Variants in SMAP1 observed in about 807,000 individuals in gnomAD.
SMAP1 encodes the protein stromal membrane-associated protein 1.
Under a neutral mutation model 58.5 loss-of-function variants are expected in SMAP1, and 24 were observed. The observed-to-expected ratio is 0.41, with a 90% CI of 0.30 to 0.58. SMAP1 has a LOEUF of 0.58. Among genes scored for constraint, SMAP1 ranks in the 20% least tolerant of loss-of-function variants. SMAP1 has a pLI of 0.29. For synonymous variants in SMAP1, 216 were observed against 196.6 expected (o/e 1.10, Z -0.82); for missense variants, 563 against 566.3 (o/e 0.99, Z 0.06).
rs757448478 is a variant in SMAP1 at position 70,856,897 on chromosome 6, A to G, written c.828A>G (p.Thr276=). Residue 276 remains threonine, a synonymous_variant, in exon 9 of 11, where the codon ACA becomes ACG. Transcript: ENST00000370455. ...PSAPAAATLS[T]VTSGDLDLFT... ...CACCAGCAGCTGCAACCCTGTCTAC[A>G]GTAACATCTGGGGATCTAGATTTAT... The G allele has an allele frequency of 4.4e-5, 71 of 1,613,738 alleles. No homozygotes were observed. The highest frequency in any genetic ancestry group is 5.8e-5 in the Non-Finnish European group (68 of 1,179,820).
At chr6:70,859,289 G>C in intron 10 of SMAP1, 1 of 1,456,730 alleles carries the variant, frequency 6.9e-7, no homozygotes, top group Non-Finnish European at 9.3e-7. Context: ...TAAGGTGCTA[G>C]ATGAACCAGG....
rs1172854369 is a variant in SMAP1, at chr6:70,861,962, AAGACTTAC to A, written c.*1631_*1638del. On this transcript the variant is annotated 3_prime_UTR_variant, in exon 11 of 11. Coordinates refer to ENST00000370455, the MANE Select transcript of SMAP1 (RefSeq NM_001044305.3). The stretch of plus-strand genomic sequence containing the variant: ...CTTTTGGATTGGACAAAATGACTTG[AAGACTTAC>A]AGCAAATCCTTTGTGAAAAATAAAA... 6.2e-7 allele frequency: 1 copy of A among 1,612,424 alleles called. No individual in the cohort carries two copies. The highest frequency in any genetic ancestry group is 1.1e-5 in the South Asian group (1 of 91,046).
At chr6:70,720,069 G>A (rs1768453134) in intron 1 of SMAP1, among the ~76,000 whole-genome samples, 1 of 152,164 alleles carries the variant, frequency 6.6e-6, no homozygotes, top group Admixed American at 6.5e-5. Context: ...TCTGAGACAA[G>A]GCAAGTCCCT....
Position 70,720,457 on chromosome 6 carries a change from A to G in SMAP1, c.119-11921A>G, listed in dbSNP as rs538876986. 3.3e-5 allele frequency among the ~76,000 whole-genome samples: 5 copies of G among 152,152 alleles called. No homozygotes were observed. The South Asian group carries it at 1.0e-3, about 32-fold the overall frequency. Reference sequence around the variant, plus strand: ...CTGTTAGTGGATCTACCATTCTGGGATCTGGAGGATGGTGGCCCTCTTCTC... The same window carrying G: ...CTGTTAGTGGATCTACCATTCTGGGGTCTGGAGGATGGTGGCCCTCTTCTC... On this transcript the variant is annotated intron_variant, in intron 1 of 10. Coordinates refer to ENST00000370455, the MANE Select transcript of SMAP1 (RefSeq NM_001044305.3).
chr6:70,708,575 C>T (rs1165263719), intron 1 of SMAP1, among the ~76,000 whole-genome samples: 4 of 152,148 alleles, frequency 2.6e-5, no homozygotes, highest in African/African-American at 9.7e-5. Context: ...AATTTACATT[C>T]ATACCAATAG....
intron 8 of SMAP1, among the ~76,000 whole-genome samples, chr6:70,856,476 T>C (rs1259863070): frequency 6.6e-6 from 1 of 152,250 alleles, no homozygotes; most frequent in East Asian, 1.9e-4. Context: ...GTTGTAGTTG[T>C]AGAAATGTTC....
chr6:70,730,057 C>G (rs1489570090), intron 1 of SMAP1, among the ~76,000 whole-genome samples: 1 of 152,136 alleles, frequency 6.6e-6, no homozygotes, highest in South Asian at 2.1e-4. Context: ...TGCTTCCCTT[C>G]TCTCTCCCTT....
intron 1 of SMAP1, 131 bp from the exon 2 acceptor site, chr6:70,732,247 A>G: frequency 1.1e-6 from 1 of 949,666 alleles, no homozygotes; most frequent in Non-Finnish European, 1.5e-6. Flanking sequence ...GTACCATTTG[A>G]AAATTTGAGC....
chr6:70,811,912 T>C (rs1195947846), intron 6 of SMAP1, among the ~76,000 whole-genome samples: 2 of 152,192 alleles, frequency 1.3e-5, no homozygotes, highest in African/African-American at 4.8e-5. Context: ...TTGTATATAC[T>C]ATGATTTTGA....
At chr6:70,758,411 C>T (rs1405584193) in intron 3 of SMAP1, among the ~76,000 whole-genome samples, 1 of 149,076 alleles carries the variant, frequency 6.7e-6, no homozygotes, top group Non-Finnish European at 1.5e-5. Flanking sequence ...GGGAGATATA[C>T]CTAATGCTAG....
At chr6:70,762,836 A>G (rs1295027189) in intron 3 of SMAP1, among the ~76,000 whole-genome samples, 1 of 152,066 alleles carries the variant, frequency 6.6e-6, no homozygotes, top group African/African-American at 2.4e-5. Context: ...CTTATTGTAA[A>G]CAGAAGTGAG....
intron 1 of SMAP1, chr6:70,694,345 C>G (rs1442201904): frequency 6.1e-6 from 1 of 164,444 alleles, no homozygotes; most frequent in Non-Finnish European, 1.3e-5. Flanking sequence ...CATCCTGGCC[C>G]TGGTGCTGAT....
intron 4 of SMAP1, among the ~76,000 whole-genome samples, chr6:70,786,174 G>A (rs991883571): frequency 3.3e-5 from 5 of 150,886 alleles, no homozygotes; most frequent in African/African-American, 1.2e-4. Context: ...ATGTAATCCA[G>A]CATATAAACA....
At position 70,840,760 on chromosome 6, in the gene SMAP1, G is replaced by A. The variant is rs147814562; in HGVS notation, c.664+3732G>A. ...CTCTCTAATACCATAAACAGGGTGA[G>A]ATACTTGACTTGCCTCGTCTTAGAA... is the stretch of plus-strand genomic sequence containing the variant. On this transcript the variant is annotated intron_variant, in intron 7 of 10. Transcript: ENST00000370455. Among the ~76,000 whole-genome samples the A allele has an allele frequency of 3.0e-3, 455 of 152,334 alleles. 3 individuals carry two copies. Among genetic ancestry groups the A allele is most frequent in the African/African-American group, 0.01 (423 of 41,582 alleles).
At chr6:70,790,939 A>G (rs1768324229) in intron 4 of SMAP1, among the ~76,000 whole-genome samples, 1 of 152,218 alleles carries the variant, frequency 6.6e-6, no homozygotes, top group South Asian at 2.1e-4. Context: ...TAAAGTGATC[A>G]ACTACGCATG....
chr6:70,817,304 C>T (rs1299651504), intron 6 of SMAP1, among the ~76,000 whole-genome samples: 2 of 151,916 alleles, frequency 1.3e-5, no homozygotes, highest in Non-Finnish European at 2.9e-5. Flanking sequence ...GAACTGATTG[C>T]TAGAAGGAAA....
At chr6:70,676,374 C>G (rs1363586665) in intron 1 of SMAP1, among the ~76,000 whole-genome samples, 1 of 152,056 alleles carries the variant, frequency 6.6e-6, no homozygotes, top group African/African-American at 2.4e-5. Flanking sequence ...ACCTAGCCTG[C>G]TAATAAGGGT....
At chr6:70,726,103 A>G (rs556275953) in intron 1 of SMAP1, among the ~76,000 whole-genome samples, 2 of 152,270 alleles carry the variant, frequency 1.3e-5, no homozygotes, top group East Asian at 3.9e-4. Context: ...TTTTGAGCCT[A>G]AATTTCTCAA....
At chr6:70,739,086 G>A (rs1190574221) in intron 2 of SMAP1, among the ~76,000 whole-genome samples, 1 of 152,062 alleles carries the variant, frequency 6.6e-6, no homozygotes, top group Non-Finnish European at 1.5e-5. Context: ...ATATTGATAG[G>A]CAGTCAAAAT....
Sources: allele counts gnomAD v4.1 joint callset (sites outside exome capture counted in the v4.1 genomes callset), GRCh38; gene constraint gnomAD v4.1.1; transcripts MANE v1.5; gene names NCBI Gene and HGNC (gene_info 2026-07-23, HGNC 2026-07-21).